The following MEF2D variants were observed in gnomAD, a reference collection of about 807,000 sequenced individuals.
MEF2D encodes myocyte-specific enhancer factor 2D.
MEF2D carries 10 observed loss-of-function variants against 59.3 expected under a neutral mutation model. That is an observed-to-expected ratio of 0.17 (90% CI 0.10 to 0.29). MEF2D has a LOEUF of 0.29. Among genes scored for constraint, MEF2D ranks in the 10% least tolerant of loss-of-function variants. MEF2D has a pLI of 1.00. For missense variants in MEF2D, 508 were observed against 699.4 expected, an observed-to-expected ratio of 0.73 and a Z score of 3.09; for synonymous variants, 305 against 295.0, an observed-to-expected ratio of 1.03 and a Z score of -0.35.
Position 156,482,363 on chromosome 1 carries a change from T to C in MEF2D, c.258+74A>G, listed in dbSNP as rs967977892. 67 of 1,512,222 alleles carry C rather than the reference T, an allele frequency of 4.4e-5. 1 individual carries two copies. The Middle Eastern group carries it at 9.3e-4, about 21-fold the overall frequency. The allele number at this position is 1,512,222 out of a possible 1,614,324, so 93.7% of individuals were successfully genotyped here. A position where few individuals can be genotyped will look rare whatever the true frequency, so the allele number is the denominator to read the frequency against. On this transcript the variant is annotated intron_variant, in intron 3 of 11. Coordinates refer to ENST00000348159, the MANE Select transcript of MEF2D (RefSeq NM_005920.4). ...GTGTGTGCATAGGCAGGTCTGCGTG[T>C]ACATGCAACGTGGGCACGTGTCCAT...
rs746836052 is a variant in MEF2D, at chr1:156,480,803, G to A, written c.396+31C>T. 1.8e-5 allele frequency: 28 copies of A among 1,591,078 alleles called. No homozygotes were observed. In the South Asian group the frequency reaches 2.4e-4, roughly 14 times the overall value. ...CTGGGGGGAAGGGGCCGGAAGGGGG[G>A]GCCAACAGAGACAGAGTGAGTGGGG... is the stretch of plus-strand genomic sequence containing the variant. On this transcript the variant is annotated intron_variant, in intron 4 of 11. Coordinates refer to ENST00000348159, the MANE Select transcript of MEF2D (RefSeq NM_005920.4).
rs1359685654 is a variant in MEF2D at position 156,465,056 on chromosome 1, C to T, written c.*2589G>A. The T allele has an allele frequency of 2.0e-5, 3 of 152,304 alleles. No homozygotes were observed. The highest frequency in any genetic ancestry group is 4.8e-5 in the African/African-American group (2 of 41,460). 9.4% of individuals were successfully genotyped at this position (152,304 alleles called of 1,614,324 possible). ...GGGGACGCATGCATGAACAAGATTA[C>T]ACCCTGGCTTCTTTCAAGCCCTGGA... On this transcript the variant is annotated 3_prime_UTR_variant, in exon 12 of 12. Coordinates refer to ENST00000348159, the MANE Select transcript of MEF2D (RefSeq NM_005920.4).
At chr1:156,479,477 G>T in intron 5 of MEF2D, 109 bp downstream of exon 5, 1 of 1,492,076 alleles carries the variant, frequency 6.7e-7, no homozygotes, top group East Asian at 2.5e-5. Flanking sequence ...CATACAAATG[G>T]CGGAATGCTG....
intron 1 of MEF2D, among the ~76,000 whole-genome samples, chr1:156,490,265 C>T (rs1294405255): frequency 6.6e-6 from 1 of 152,096 alleles, no homozygotes; most frequent in African/African-American, 2.4e-5. Context: ...TTCCCTCTGC[C>T]CCCTCTCTGT....
intron 1 of MEF2D, among the ~76,000 whole-genome samples, chr1:156,487,187 G>A (rs905829368): frequency 3.3e-5 from 5 of 152,044 alleles, no homozygotes; most frequent in African/African-American, 7.2e-5. Flanking sequence ...CCCCACCCCC[G>A]CCTCATGCTG....
At chr1:156,467,954 A>C in intron 11 of MEF2D, 39 bp downstream of exon 11, 1 of 1,584,346 alleles carries the variant, frequency 6.3e-7, no homozygotes, top group Non-Finnish European at 8.6e-7. Flanking sequence ...CCCTGGGTGT[A>C]GCAGACACTG....
chr1:156,499,402 A>G (rs1247002372), intron 1 of MEF2D: 2 of 151,752 alleles, frequency 1.3e-5, no homozygotes, highest in African/African-American at 4.8e-5. Context: ...AATGGGAGGC[A>G]GAGGGAGGCT....
intron 1 of MEF2D, among the ~76,000 whole-genome samples, chr1:156,494,330 G>A (rs550911336): frequency 6.6e-6 from 1 of 152,194 alleles, no homozygotes; most frequent in East Asian, 1.9e-4. Flanking sequence ...CGTATTCTTT[G>A]TTCTCTCAAC....
At chr1:156,495,213 C>A (rs753056247) in intron 1 of MEF2D, among the ~76,000 whole-genome samples, 1 of 152,180 alleles carries the variant, frequency 6.6e-6, no homozygotes, top group Non-Finnish European at 1.5e-5. Flanking sequence ...CTCTTCCCTT[C>A]AATTTCTCCT....
intron 11 of MEF2D, 100 bp downstream of exon 11, chr1:156,467,893 C>T (rs1020684583): frequency 6.9e-7 from 1 of 1,450,364 alleles, no homozygotes; most frequent in Non-Finnish European, 9.3e-7. Context: ...TAGCCGGCCA[C>T]AAGGCCTCTT....
chr1:156,496,521 G>T (rs552124388), intron 1 of MEF2D, among the ~76,000 whole-genome samples: 1 of 152,240 alleles, frequency 6.6e-6, no homozygotes, highest in African/African-American at 2.4e-5. Context: ...TTATTTTGCA[G>T]ACAGGGCTCT....
At chr1:156,492,816 G>A (rs867911521) in intron 1 of MEF2D, among the ~76,000 whole-genome samples, 4 of 152,194 alleles carry the variant, frequency 2.6e-5, no homozygotes, top group African/African-American at 4.8e-5. Context: ...CCTTGGGGGC[G>A]GGTCAGCTTG....
rs1357806138 is a variant in MEF2D at position 156,468,032 on chromosome 1, A to T, written c.1515T>A (p.Ala505=). The change falls in exon 11 of 12, where the codon GCT becomes GCA. Residue 505 remains alanine, a synonymous_variant. Coordinates refer to ENST00000348159, the MANE Select transcript of MEF2D (RefSeq NM_005920.4). This position sits in a 1 kb window ranked among gnomAD's most constrained non-coding sequence, Gnocchi z 4.3. ...GCATCCTCTTCACAGCTGAGCCCTC[A>T]GCCTCAGGCTCTGGGGCTGGGCGCA... The part of the protein sequence containing the change: ...GLLRPAPEPE[A]EGSAVKRMRL... 1 of 1,613,744 alleles carries T rather than the reference A, an allele frequency of 6.2e-7. No individual in the cohort carries two copies. Among genetic ancestry groups the T allele is most frequent in the African/African-American group, 1.3e-5 (1 of 74,914 alleles).
intron 11 of MEF2D, 104 bp downstream of exon 11, chr1:156,467,889 G>C (rs1414823051): frequency 7.0e-7 from 1 of 1,428,978 alleles, no homozygotes; most frequent in East Asian, 2.3e-5. Flanking sequence ...GGGGTAGCCG[G>C]CCACAAGGCC....
chr1:156,469,113 G>A, intron 9 of MEF2D, 93 bp from the exon 10 acceptor site: 1 of 1,477,640 alleles, frequency 6.8e-7, no homozygotes, highest in Non-Finnish European at 9.1e-7. Context: ...GTGGGGATGA[G>A]GGGACAGGGA....
chr1:156,491,295 G>C (rs554814254), intron 1 of MEF2D, among the ~76,000 whole-genome samples: 38 of 152,342 alleles, frequency 2.5e-4, no homozygotes, highest in African/African-American at 8.2e-4. Context: ...GGTGGACTAG[G>C]TACCCAAATG....
chr1:156,489,824 AG>A (rs1672639051), intron 1 of MEF2D, among the ~76,000 whole-genome samples: 1 of 152,138 alleles, frequency 6.6e-6, no homozygotes, highest in African/African-American at 2.4e-5. Flanking sequence ...GAGGCAGCAG[AG>A]GTGAGGACCG....
chr1:156,474,880 T>C (rs1349790358), intron 9 of MEF2D, among the ~76,000 whole-genome samples: 1 of 152,238 alleles, frequency 6.6e-6, no homozygotes, highest in Non-Finnish European at 1.5e-5. Context: ...AAGAATGTCT[T>C]TGGGACATAT....
In MEF2D at chr1:156,476,437, C is replaced by A. The variant is rs1303768700; in HGVS notation, c.876+57G>T. On this transcript the variant is annotated intron_variant, in intron 8 of 11. Coordinates refer to ENST00000348159, the MANE Select transcript of MEF2D (RefSeq NM_005920.4). The stretch of plus-strand genomic sequence containing the variant: ...CGCACACGTACTTCATGCTGGGGGA[C>A]CGCAGAGCAATACCCAGAATTCAAA... The A allele has an allele frequency of 4.4e-6, 7 of 1,586,882 alleles. No homozygotes were observed. The East Asian group carries it at 1.6e-4, about 36-fold the overall frequency.
Sources: allele counts gnomAD v4.1 joint callset (sites outside exome capture counted in the v4.1 genomes callset), GRCh38; gene constraint gnomAD v4.1.1; non-coding constraint Gnocchi (gnomAD v3.1); transcripts MANE v1.5; gene names NCBI Gene and HGNC (gene_info 2026-07-23, HGNC 2026-07-21).